The following DMD variants were observed in gnomAD, a reference collection of about 807,000 sequenced individuals.
DMD encodes mutant dystrophin.
DMD carries 63 observed loss-of-function variants against 330.1 expected under a neutral mutation model. The observed-to-expected ratio is 0.19, with a 90% confidence interval of 0.16 to 0.24. The LOEUF (loss-of-function observed/expected upper bound fraction) is 0.24. Among genes scored for constraint, DMD ranks in the 10% least tolerant of loss-of-function variants. The pLI is 1.00. For synonymous variants in DMD, 1,223 were observed against 959.8 expected (o/e 1.27, Z -5.07); for missense variants, 3,344 against 2,684.1 (o/e 1.25, Z -5.43).
chrX:31,260,828 C>A (rs1251868186), intron 63 of DMD, 127 bp downstream of exon 63: 3 of 567,626 alleles, frequency 5.3e-6, no homozygotes, highest in Non-Finnish European at 8.5e-6. Flanking sequence ...TAGGAAGGTG[C>A]CACTGCTTTC....
intron 2 of DMD, among the ~76,000 whole-genome samples, chrX:33,009,153 CGTATATATGTAT>C (rs2093502343): frequency 1.6e-4 from 3 of 18,896 alleles, no homozygotes; most frequent in African/African-American, 7.2e-4. Context: ...TGTATATATA[CGTATATATGTAT>C]ATATATGTGT....
At chrX:32,293,591 A>G (rs1309733793) in intron 42 of DMD, among the ~76,000 whole-genome samples, 1 of 112,092 alleles carries the variant, frequency 8.9e-6, no homozygotes, top group East Asian at 2.8e-4. Flanking sequence ...TGCTGTCATC[A>G]TCTTTCACTA....
intron 48 of DMD, among the ~76,000 whole-genome samples, chrX:31,862,066 C>G (rs2093716224): frequency 9.1e-6 from 1 of 109,759 alleles, no homozygotes; most frequent in Non-Finnish European, 1.9e-5. Flanking sequence ...GACAACAATG[C>G]AACAGAGGAT....
chrX:32,524,092 C>A (rs2046714339), intron 17 of DMD, among the ~76,000 whole-genome samples: 1 of 109,266 alleles, frequency 9.2e-6, no homozygotes. Flanking sequence ...GCCACCACGC[C>A]CGGCTAATTT....
At chrX:31,422,002 CATATATATATATATAA>C (rs2063446202) in intron 60 of DMD, among the ~76,000 whole-genome samples, 1 of 64,593 alleles carries the variant, frequency 1.5e-5, no homozygotes, top group African/African-American at 9.3e-5. Flanking sequence ...TATACACACA[CATATATATATATATAA>C]ACACACACAC....
chrX:31,439,704 A>C (rs969840876), intron 60 of DMD, among the ~76,000 whole-genome samples: 5 of 111,967 alleles, frequency 4.5e-5, no homozygotes, highest in African/African-American at 1.6e-4. Context: ...AGTAAAGAAA[A>C]ATGGTATAAT....
intron 7 of DMD, among the ~76,000 whole-genome samples, chrX:32,706,986 G>A (rs1447767658): frequency 1.8e-5 from 2 of 110,545 alleles, no homozygotes; most frequent in Non-Finnish European, 3.8e-5. Context: ...CACCTACTCG[G>A]GAGGCTGAGG....
At chrX:33,002,232 T>C (rs747096835) in intron 2 of DMD, among the ~76,000 whole-genome samples, 13 of 111,029 alleles carry the variant, frequency 1.2e-4, no homozygotes, top group Non-Finnish European at 2.3e-4. Flanking sequence ...AGTGTGTCAC[T>C]AGTGGAGGGT....
intron 44 of DMD, among the ~76,000 whole-genome samples, chrX:32,060,140 T>A (rs1461888746): frequency 8.9e-6 from 1 of 111,911 alleles, no homozygotes; most frequent in South Asian, 3.7e-4. Flanking sequence ...ATTCATGAAC[T>A]AATTTATTTC....
At chrX:32,766,493 G>A (rs137998254) in intron 7 of DMD, among the ~76,000 whole-genome samples, 36 of 110,493 alleles carry the variant, frequency 3.3e-4, no homozygotes, top group African/African-American at 1.1e-3. Flanking sequence ...TCTCCTTTTT[G>A]GACTGCATCA....
intron 48 of DMD, among the ~76,000 whole-genome samples, chrX:31,857,864 T>A (rs2093641049): frequency 9.1e-6 from 1 of 110,237 alleles, no homozygotes; most frequent in Non-Finnish European, 1.9e-5. Flanking sequence ...ATAAGGAATT[T>A]AAATTTTCTA....
intron 52 of DMD, among the ~76,000 whole-genome samples, chrX:31,686,907 T>A (rs962468925): frequency 8.9e-6 from 1 of 111,815 alleles, no homozygotes; most frequent in East Asian, 2.8e-4. Context: ...CAGAAGTGAC[T>A]CCTTACTTCT....
At chrX:32,886,790 T>C (rs2084635237) in intron 2 of DMD, among the ~76,000 whole-genome samples, 1 of 112,064 alleles carries the variant, frequency 8.9e-6, no homozygotes, top group Non-Finnish European at 1.9e-5. Context: ...AATAAAAAAC[T>C]AAATGCCTAA....
intron 2 of DMD, among the ~76,000 whole-genome samples, chrX:32,934,581 T>A (rs2089846407): frequency 9.0e-6 from 1 of 111,527 alleles, no homozygotes; most frequent in Non-Finnish European, 1.9e-5. Context: ...TTGCCTCCAA[T>A]TTTTCCCCAA....
intron 2 of DMD, among the ~76,000 whole-genome samples, chrX:32,993,888 T>C (rs2093045407): frequency 9.0e-6 from 1 of 111,167 alleles, no homozygotes; most frequent in Non-Finnish European, 1.9e-5. Flanking sequence ...ATGTATTTAA[T>C]ATAAATTTTA....
chrX:32,578,684 C>T (rs777690014), intron 13 of DMD, among the ~76,000 whole-genome samples: 2 of 111,554 alleles, frequency 1.8e-5, no homozygotes, highest in Non-Finnish European at 3.8e-5. Context: ...TATGGTGACC[C>T]TTGAATTTAC....
chrX:31,892,433 G>A (rs1352619911), intron 47 of DMD, among the ~76,000 whole-genome samples: 1 of 109,610 alleles, frequency 9.1e-6, no homozygotes, highest in African/African-American at 3.3e-5. Flanking sequence ...GACATATGCT[G>A]TAAAATACAT....
chrX:33,006,561 G>C (rs1460201160), intron 2 of DMD, among the ~76,000 whole-genome samples: 1 of 111,345 alleles, frequency 9.0e-6, no homozygotes. Context: ...TGTAGACATA[G>C]ACCTTGCACT....
intron 57 of DMD, among the ~76,000 whole-genome samples, chrX:31,491,813 GA>G (rs997833438): frequency 2.7e-5 from 3 of 111,978 alleles, no homozygotes; most frequent in African/African-American, 9.7e-5. Context: ...TACAAGAAAA[GA>G]GTACAAGATA....
Sources: gnomAD v4.1 joint callset for allele counts (sites outside exome capture counted in the v4.1 genomes callset) on GRCh38, gnomAD v4.1.1 for gene constraint, MANE v1.5 for transcripts, NCBI Gene and HGNC (gene_info 2026-07-23, HGNC 2026-07-21) for gene names.